Variants in CDH4 observed in about 807,000 individuals in gnomAD.
CDH4 encodes the protein cadherin-4.
CDH4 carries 33 observed loss-of-function variants against 86.0 expected under a neutral mutation model. The observed-to-expected ratio is 0.38, with a 90% CI of 0.29 to 0.51. The LOEUF (loss-of-function observed/expected upper bound fraction) is 0.51, where lower values mean the gene tolerates loss of function less well. Ranked by LOEUF, CDH4 falls within the 20% of genes least tolerant of loss-of-function variation. The pLI, the probability that CDH4 is intolerant of heterozygous loss-of-function variation, is 0.86. For missense variants in CDH4, 1,114 were observed against 1,307.4 expected, an observed-to-expected ratio of 0.85 and a Z score of 2.28; for synonymous variants, 555 against 549.4, an observed-to-expected ratio of 1.01 and a Z score of -0.14.
intron 2 of CDH4, among the ~76,000 whole-genome samples, chr20:61,587,689 T>A (rs2145727995): frequency 6.6e-6 from 1 of 152,304 alleles, no homozygotes; most frequent in East Asian, 1.9e-4. Flanking sequence ...GGACCCTGGC[T>A]GTAGGGTAAC....
chr20:61,318,077 A>G (rs947742), intron 2 of CDH4, among the ~76,000 whole-genome samples: 142,048 of 152,206 alleles, frequency 0.93, 67,042 homozygotes, highest in South Asian at 1. Context: ...TCCCGGCTGG[A>G]GGGACACTTT....
intron 4 of CDH4, among the ~76,000 whole-genome samples, chr20:61,832,991 C>T (rs1180004702): frequency 6.6e-6 from 1 of 152,156 alleles, no homozygotes; most frequent in Non-Finnish European, 1.5e-5. Flanking sequence ...AAGTGTGAGG[C>T]AGCAGAAGGG....
At chr20:61,849,806 G>A (rs1448809727) in intron 5 of CDH4, among the ~76,000 whole-genome samples, 21 of 152,182 alleles carry the variant, frequency 1.4e-4, no homozygotes, top group Admixed American at 1.4e-3. Flanking sequence ...GCTTTCGAAG[G>A]CCCATGTGGT....
chr20:61,531,992 A>T (rs2085958092), intron 2 of CDH4, among the ~76,000 whole-genome samples: 5 of 152,236 alleles, frequency 3.3e-5, no homozygotes, highest in Admixed American at 3.3e-4. Flanking sequence ...GTGGTGGAGG[A>T]TCCTCAGCTG....
intron 8 of CDH4, among the ~76,000 whole-genome samples, chr20:61,907,080 G>A (rs560518323): frequency 1.3e-5 from 2 of 151,696 alleles, no homozygotes; most frequent in Non-Finnish European, 2.9e-5. Flanking sequence ...CACCACCTCT[G>A]CCTGGAGATG....
intron 2 of CDH4, among the ~76,000 whole-genome samples, chr20:61,712,331 G>A (rs927735946): frequency 1.3e-5 from 2 of 152,218 alleles, no homozygotes; most frequent in African/African-American, 2.4e-5. Context: ...CCTGGCCAAG[G>A]TGGGAGGAGA....
In CDH4 at chr20:61,708,936, G is replaced by C. The variant is rs1022236748; in HGVS notation, c.170-34627G>C. Among the ~76,000 whole-genome samples the C allele has an allele frequency of 3.9e-5, 6 of 152,252 alleles. No individual in the cohort carries two copies. The highest frequency in any genetic ancestry group is 1.4e-4 in the African/African-American group (6 of 41,470). On this transcript the variant is annotated intron_variant, in intron 2 of 15. Transcript: ENST00000614565. The surrounding 1 kb of genome is among the most constrained non-coding windows in gnomAD (Gnocchi z 4.5). Reference sequence around the variant, plus strand: ...AGCTTGTGACAGAGATTGGACATTAGAAAACAAAAGGCTGTTCCTTCAGCC... The same window carrying C: ...AGCTTGTGACAGAGATTGGACATTACAAAACAAAAGGCTGTTCCTTCAGCC...
intron 2 of CDH4, among the ~76,000 whole-genome samples, chr20:61,258,186 C>G (rs1186322912): frequency 6.6e-6 from 1 of 151,800 alleles, no homozygotes; most frequent in African/African-American, 2.4e-5. Flanking sequence ...AAAAATTAGC[C>G]GGGCGCGGTG....
intron 4 of CDH4, among the ~76,000 whole-genome samples, chr20:61,814,951 G>A (rs1568830688): frequency 1.3e-5 from 2 of 152,130 alleles, no homozygotes; most frequent in African/African-American, 4.8e-5. Flanking sequence ...CAAAGCCCAG[G>A]GTGTTCTAGT....
intron 2 of CDH4, among the ~76,000 whole-genome samples, chr20:61,450,991 G>A (rs2427106): frequency 0.63 from 95,214 of 151,648 alleles, 30,751 homozygotes; most frequent in African/African-American, 0.78. Context: ...GACACAGTCC[G>A]TTTGTGAGGA....
At chr20:61,863,007 G>A (rs1373049413) in intron 6 of CDH4, among the ~76,000 whole-genome samples, 1 of 152,158 alleles carries the variant, frequency 6.6e-6, no homozygotes, top group African/African-American at 2.4e-5. Context: ...GATGGCACTA[G>A]ATACTTGAAA....
intron 2 of CDH4, among the ~76,000 whole-genome samples, chr20:61,611,931 G>A (rs1260336546): frequency 1.3e-5 from 2 of 152,102 alleles, no homozygotes; most frequent in Non-Finnish European, 2.9e-5. Flanking sequence ...CTTGTTGTGT[G>A]GGGGGATACG....
intron 4 of CDH4, among the ~76,000 whole-genome samples, chr20:61,837,121 A>C (rs1050925863): frequency 6.6e-6 from 1 of 152,166 alleles, no homozygotes; most frequent in Non-Finnish European, 1.5e-5. Flanking sequence ...TCAGCCCAGG[A>C]GTTGAAGGCT....
Position 61,301,154 on chromosome 20 carries a change from C to T in CDH4, c.169+46217C>T, listed in dbSNP as rs377209468. 1.7e-3 allele frequency among the ~76,000 whole-genome samples: 259 copies of T among 152,364 alleles called. 1 individual carries two copies. The highest frequency in any genetic ancestry group is 6.0e-3 in the African/African-American group (248 of 41,590). Reference sequence around the variant, plus strand: ...CAGCCCGCTTCACAGATGGAAGGAGCGAGGCTCGGTTTAGCAAGGTGGTTG... The same window carrying T: ...CAGCCCGCTTCACAGATGGAAGGAGTGAGGCTCGGTTTAGCAAGGTGGTTG... On this transcript the variant is annotated intron_variant, in intron 2 of 15. Coordinates refer to ENST00000614565, the MANE Select transcript of CDH4 (RefSeq NM_001794.5).
intron 2 of CDH4, among the ~76,000 whole-genome samples, chr20:61,445,210 T>C (rs980414427): frequency 6.6e-6 from 1 of 152,118 alleles, no homozygotes; most frequent in Non-Finnish European, 1.5e-5. Flanking sequence ...GTCAGGAAGC[T>C]CTGGAATCAA....
chr20:61,411,535 C>T (rs887683845), intron 2 of CDH4, among the ~76,000 whole-genome samples: 2 of 151,992 alleles, frequency 1.3e-5, no homozygotes, highest in African/African-American at 2.4e-5. Flanking sequence ...CCTGGGGGCT[C>T]AGCTGCTGGC....
At chr20:61,935,921 T>TTAGA (rs1379072101) in intron 15 of CDH4, among the ~76,000 whole-genome samples, 1 of 152,122 alleles carries the variant, frequency 6.6e-6, no homozygotes, top group African/African-American at 2.4e-5. Context: ...AAGCCCACTG[T>TTAGA]TAGATAGGTC....
intron 2 of CDH4, among the ~76,000 whole-genome samples, chr20:61,600,606 C>T (rs1049315155): frequency 3.3e-5 from 5 of 152,216 alleles, no homozygotes; most frequent in Non-Finnish European, 7.3e-5. Context: ...GCTGTCTTCA[C>T]AACTATTGTC....
At chr20:61,363,235 C>A (rs2084793950) in intron 2 of CDH4, among the ~76,000 whole-genome samples, 1 of 152,158 alleles carries the variant, frequency 6.6e-6, no homozygotes, top group South Asian at 2.1e-4. Flanking sequence ...TGTTCTTTAA[C>A]TTATTCATTC....
Sources: gnomAD v4.1 joint callset for allele counts (sites outside exome capture counted in the v4.1 genomes callset) on GRCh38, gnomAD v4.1.1 for gene constraint, Gnocchi (gnomAD v3.1) non-coding constraint, MANE v1.5 for transcripts, NCBI Gene and HGNC (gene_info 2026-07-23, HGNC 2026-07-21) for gene names.